Variants in TTC21A observed in about 807,000 individuals in gnomAD.
TTC21A encodes tetratricopeptide repeat protein 21A.
In TTC21A, 128 loss-of-function variants were observed where a neutral mutation model predicts 156.4. The ratio of observed to expected loss-of-function variants is 0.82; its 90% CI spans 0.71 to 0.95. The LOEUF is 0.95. Among genes scored for constraint, TTC21A ranks in the 40% least tolerant of loss-of-function variants. The pLI is 0.00. For missense variants in TTC21A, 1,435 were observed against 1,602.3 expected (o/e 0.90, Z 1.78); for synonymous variants, 587 against 617.1 (o/e 0.95, Z 0.72).
Position 39,118,094 on chromosome 3 carries a change from A to G in TTC21A, c.742A>G (p.Ile248Val). The G allele has an allele frequency of 1.2e-6, 2 of 1,614,114 alleles. No homozygotes were observed. The highest frequency in any genetic ancestry group is 1.7e-6 in the Non-Finnish European group (2 of 1,179,966). The change falls in exon 7 of 29, where the codon ATT (isoleucine) becomes GTT (valine). Residue 248 changes from isoleucine to valine, a missense_variant. Ile to Val is a conservative substitution (Grantham distance 29, BLOSUM62 3). Transcript: ENST00000683103. ...AATCCTAGAAAAAGATGAGAGCAATATTGATGCCTGCCAAATTCTAACCGT... is the reference window on the plus strand; with the variant it reads ...AATCCTAGAAAAAGATGAGAGCAATGTTGATGCCTGCCAAATTCTAACCGT... ...HRILEKDESN[I>V]DACQILTVHE...
chr3:39,136,291 C>T, intron 22 of TTC21A, 66 bp from the exon 23 acceptor site: 2 of 1,553,434 alleles, frequency 1.3e-6, no homozygotes, highest in Non-Finnish European at 1.7e-6. Context: ...TCCTAGGGCC[C>T]CAGCACCCTC....
chr3:39,128,654 G>T, intron 13 of TTC21A, 63 bp from the exon 14 acceptor site: 2 of 1,584,632 alleles, frequency 1.3e-6, no homozygotes, highest in South Asian at 1.1e-5. Context: ...TGACCTGGCT[G>T]CTGTGAGCAG....
chr3:39,136,918 G>A lies in TTC21A; in HGVS notation c.3115G>A (p.Glu1039Lys), dbSNP rs199645072. Residue 1039 changes from glutamate (E) to lysine (K), a missense_variant, in exon 24 of 29, where the codon GAA becomes AAA. By Grantham distance (56) the Glu-to-Lys change is moderately conservative. Transcript: ENST00000683103. ...CCACAGGCACATAGGGCAGCCCAAC[G>A]AAGCCTTAAAGTTCCTGAACAAGGC... ...IYCWHIGQPNEALKFLNKARK... is the reference protein window; with the variant it reads ...IYCWHIGQPNKALKFLNKARK... 3.5e-5 allele frequency: 57 copies of A among 1,613,984 alleles called. No homozygotes were observed. Among genetic ancestry groups the A allele is most frequent in the Admixed American group, 5.0e-5 (3 of 59,998 alleles).
chr3:39,119,159 C>T (rs950978323), intron 7 of TTC21A: 1 of 152,198 alleles, frequency 6.6e-6, no homozygotes, highest in Non-Finnish European at 1.5e-5. Context: ...TTGGGACCTC[C>T]CCACCGACCC....
chr3:39,126,539 C>G (rs2038273216), intron 12 of TTC21A, 149 bp downstream of exon 12: 1 of 798,382 alleles, frequency 1.3e-6, no homozygotes, highest in Non-Finnish European at 2.0e-6. Flanking sequence ...GCCTGGGGTA[C>G]TACGCACACA....
At position 39,125,079 on chromosome 3, in the gene TTC21A, T is replaced by C. The variant is rs2038107426; in HGVS notation, c.1110T>C (p.His370=). 6.2e-7 allele frequency: 1 copy of C among 1,613,222 alleles called. No individual in the cohort carries two copies. The highest frequency in any genetic ancestry group is 8.5e-7 in the Non-Finnish European group (1 of 1,179,326). Residue 370 remains histidine (H), a synonymous_variant, in exon 10 of 29, where the codon CAT becomes CAC. Coordinates refer to ENST00000683103, the MANE Select transcript of TTC21A (RefSeq NM_001366900.1). ...MAGLTGIILC[H]ILEGHLEEAE... ...CATTTACAGGGATCATCTTGTGTCATATCTTAGAAGGCCACCTGGAGGAAG... is the reference window on the plus strand; with the variant it reads ...CATTTACAGGGATCATCTTGTGTCACATCTTAGAAGGCCACCTGGAGGAAG...
chr3:39,135,086 C>CTGATAGT lies in TTC21A; in HGVS notation c.2863-2_2867dup, dbSNP rs2039013948. 6.3e-7 allele frequency: 1 copy of CTGATAGT among 1,597,868 alleles called. No individual in the cohort carries two copies. The highest frequency in any genetic ancestry group is 8.5e-7 in the Non-Finnish European group (1 of 1,170,894). Reference sequence around the variant, plus strand: ...GGAAATCTGGAGCTTTGTGTGTTTTCTGATAGTTGATGGCTGACCTGATGT... The same window carrying CTGATAGT: ...GGAAATCTGGAGCTTTGTGTGTTTTCTGATAGTTGATAGTTGATGGCTGACCTGATGT... On this transcript the variant is annotated splice_polypyrimidine_tract_variant and splice_region_variant and intron_variant, in intron 21 of 28. Coordinates refer to ENST00000683103, the MANE Select transcript of TTC21A (RefSeq NM_001366900.1).
intron 11 of TTC21A, 143 bp from the exon 12 acceptor site, chr3:39,126,118 C>T: frequency 1.9e-6 from 2 of 1,040,446 alleles, no homozygotes; most frequent in South Asian, 1.6e-5. Flanking sequence ...AGCTCGTGCT[C>T]TAAGCACTAG....
At chr3:39,109,990 T>G in intron 2 of TTC21A, 39 bp from the exon 3 acceptor site, 1 of 1,476,274 alleles carries the variant, frequency 6.8e-7, no homozygotes, top group Non-Finnish European at 9.4e-7. Context: ...CCTCTAGTCC[T>G]GGAGCTTGAG....
rs369839282 is a variant in TTC21A at position 39,136,041 on chromosome 3, G to A, written c.2945-316G>A. On this transcript the variant is annotated intron_variant, in intron 22 of 28. Coordinates refer to ENST00000683103, the MANE Select transcript of TTC21A (RefSeq NM_001366900.1). ...CCACTGCACTCCAGCCTGGGTGACAGGGCGAGACTCCGTCTCAAAAAAAAA... is the reference window on the plus strand; with the variant it reads ...CCACTGCACTCCAGCCTGGGTGACAAGGCGAGACTCCGTCTCAAAAAAAAA... Among the ~76,000 whole-genome samples the A allele has an allele frequency of 9.2e-5, 14 of 151,596 alleles. 1 individual carries two copies. In the East Asian group the frequency reaches 1.7e-3, roughly 19 times the overall value.
chr3:39,107,898 C>G, intron 1 of TTC21A, 34 bp downstream of exon 1: 5 of 1,609,958 alleles, frequency 3.1e-6, no homozygotes, highest in Non-Finnish European at 4.2e-6. Flanking sequence ...AGGGCTCCCT[C>G]GTGACTCCCC....
In TTC21A at chr3:39,130,842, G is replaced by C. The variant is rs372797171; in HGVS notation, c.2458+3G>C. On this transcript the variant is annotated splice_donor_region_variant and intron_variant, in intron 18 of 28. Transcript: ENST00000683103. The surrounding 1 kb of genome is among the most constrained non-coding windows in gnomAD (Gnocchi z 4.5). ...GCAGGCACTGGAACATGACATTGGT[G>C]AGGCAGCATTGTAACCCATTTCTAG... is the stretch of plus-strand genomic sequence containing the variant. 7.4e-6 allele frequency: 12 copies of C among 1,614,182 alleles called. No individual in the cohort carries two copies. In the East Asian group the frequency reaches 1.3e-4, roughly 18 times the overall value.
chr3:39,134,354 C>T lies in TTC21A; in HGVS notation c.2862+26C>T, dbSNP rs2038953589. The stretch of plus-strand genomic sequence containing the variant: ...GTAGGAAGCCCCCAGCACCCACTCC[C>T]TCCCCTCCCTTCCTCCCTTCCCAGG... On this transcript the variant is annotated intron_variant, in intron 21 of 28. Coordinates refer to ENST00000683103, the MANE Select transcript of TTC21A (RefSeq NM_001366900.1). This position sits in a 1 kb window ranked among gnomAD's most constrained non-coding sequence, Gnocchi z 4.6. 6.7e-7 allele frequency: 1 copy of T among 1,497,532 alleles called. No individual in the cohort carries two copies. Among genetic ancestry groups the T allele is most frequent in the African/African-American group, 1.4e-5 (1 of 72,652 alleles). The allele number at this position is 1,497,532 out of a possible 1,614,324, so 92.8% of individuals were successfully genotyped here.
Position 39,121,251 on chromosome 3 carries a change from T to G in TTC21A, c.1093+62T>G, listed in dbSNP as rs2037744343. 8 of 1,488,028 alleles carry G rather than the reference T, an allele frequency of 5.4e-6. No individual in the cohort carries two copies. The South Asian group carries it at 9.9e-5, about 18-fold the overall frequency. The allele number at this position is 1,488,028 out of a possible 1,614,324, so 92.2% of individuals were successfully genotyped here. A position where few individuals can be genotyped will look rare whatever the true frequency, so the allele number is the denominator to read the frequency against. On this transcript the variant is annotated intron_variant, in intron 9 of 28. Transcript: ENST00000683103. ...CGGGAGCCAAACCGGGCAGCTTCCA[T>G]GGGTCCAGAAGAGAGGTGCTGGAAA...
rs1385551733 is a variant in TTC21A at position 39,137,078 on chromosome 3, C to T, written c.3257+18C>T. 1 of 1,612,096 alleles carries T rather than the reference C, an allele frequency of 6.2e-7. No homozygotes were observed. The highest frequency in any genetic ancestry group is 1.7e-5 in the Admixed American group (1 of 59,804). On this transcript the variant is annotated intron_variant, in intron 24 of 28. Transcript: ENST00000683103. ...GAGAGCAAGTAAGGGCCCATGGAGG[C>T]AGGGGCGGAACCCTGGGGAAGTTAC...
intron 8 of TTC21A, 43 bp from the exon 9 acceptor site, chr3:39,120,954 G>C: frequency 1.3e-6 from 2 of 1,547,920 alleles, no homozygotes; most frequent in Middle Eastern, 1.8e-4. Flanking sequence ...CATACAGGCT[G>C]GACTGACTGG....
chr3:39,138,184 G>A, intron 26 of TTC21A, 83 bp from the exon 27 acceptor site: 1 of 1,593,008 alleles, frequency 6.3e-7, no homozygotes, highest in Non-Finnish European at 8.6e-7. Context: ...GCCTGCTTCT[G>A]GTTCTGGTCC....
rs1363630094 is a variant in TTC21A, at chr3:39,135,852, G to A, written c.2945-505G>A. Among the ~76,000 whole-genome samples the A allele has an allele frequency of 3.9e-5, 6 of 152,134 alleles. No individual in the cohort carries two copies. In the South Asian group the frequency reaches 6.2e-4, roughly 16 times the overall value. On this transcript the variant is annotated intron_variant, in intron 22 of 28. Transcript: ENST00000683103. ...GGGCAGATCACAAGGTCAGGGGATC[G>A]AAACCATCCTGGCTACACGGTGAAA...
intron 15 of TTC21A, 98 bp downstream of exon 15, chr3:39,129,408 T>C: frequency 1.1e-6 from 1 of 921,436 alleles, no homozygotes; most frequent in Non-Finnish European, 1.8e-6. Context: ...GTCTCCAGAA[T>C]GTGTCCTTGG....
Sources: gnomAD v4.1 joint callset for allele counts (sites outside exome capture counted in the v4.1 genomes callset) on GRCh38, gnomAD v4.1.1 for gene constraint, Gnocchi (gnomAD v3.1) non-coding constraint, MANE v1.5 for transcripts, NCBI Gene and HGNC (gene_info 2026-07-23, HGNC 2026-07-21) for gene names.